KCNMB2: variants seen among roughly 807,000 people sequenced by gnomAD.
KCNMB2 encodes the protein potassium calcium-activated channel subfamily M regulatory beta subunit 2.
A neutral mutation model predicts 24.5 loss-of-function variants in KCNMB2; 9 were observed. That is an observed-to-expected ratio of 0.37 (90% CI 0.22 to 0.64). The LOEUF (loss-of-function observed/expected upper bound fraction) is 0.64, where lower values mean the gene tolerates loss of function less well. Ranked by LOEUF, KCNMB2 falls within the 30% of genes least tolerant of loss-of-function variation. The pLI is 0.63. For synonymous variants in KCNMB2, 109 were observed against 104.4 expected (o/e 1.04, Z -0.27); for missense variants, 226 against 284.3 (o/e 0.79, Z 1.47).
chr3:178,762,997 T>C (rs561163463), intron 1 of KCNMB2, among the ~76,000 whole-genome samples: 73 of 152,104 alleles, frequency 4.8e-4, no homozygotes, highest in African/African-American at 1.6e-3. Flanking sequence ...AATCCAGAGA[T>C]ATAAATTTGG....
At chr3:178,750,391 AC>A (rs1210741452) in intron 1 of KCNMB2, among the ~76,000 whole-genome samples, 2 of 152,162 alleles carry the variant, frequency 1.3e-5, no homozygotes, top group Non-Finnish European at 2.9e-5. Context: ...ACAAAAAAAA[AC>A]AAAAACAAAA....
intron 1 of KCNMB2, among the ~76,000 whole-genome samples, chr3:178,652,556 TTTAA>T (rs1327217407): frequency 2.0e-5 from 3 of 152,140 alleles, no homozygotes; most frequent in African/African-American, 7.2e-5. Flanking sequence ...AATGTTTAAA[TTTAA>T]TTAATTTAAT....
chr3:178,570,897 A>G (rs1339098621), intron 1 of KCNMB2, among the ~76,000 whole-genome samples: 1 of 152,210 alleles, frequency 6.6e-6, no homozygotes, highest in Non-Finnish European at 1.5e-5. Context: ...GTTTTGCCTC[A>G]TAGGATGCAA....
chr3:178,834,730 T>C (rs1385208813), intron 4 of KCNMB2, among the ~76,000 whole-genome samples: 3 of 152,110 alleles, frequency 2.0e-5, no homozygotes, highest in Admixed American at 1.3e-4. Context: ...AAATTTGAGA[T>C]ATTTCTTAGA....
intron 1 of KCNMB2, among the ~76,000 whole-genome samples, chr3:178,617,737 A>C (rs901271027): frequency 1.3e-5 from 2 of 151,206 alleles, no homozygotes; most frequent in Admixed American, 6.6e-5. Flanking sequence ...AAAACACAAA[A>C]AAAATTAGCT....
chr3:178,776,808 G>A (rs191811124), intron 1 of KCNMB2, among the ~76,000 whole-genome samples: 1 of 152,198 alleles, frequency 6.6e-6, no homozygotes, highest in East Asian at 1.9e-4. Context: ...AAACAGAATC[G>A]TACAGTGTTT....
chr3:178,822,090 AC>A (rs778522575), intron 2 of KCNMB2, among the ~76,000 whole-genome samples: 8 of 151,814 alleles, frequency 5.3e-5, no homozygotes, highest in Admixed American at 4.6e-4. Context: ...GACTTACAAA[AC>A]CCTTCATGGC....
At chr3:178,745,591 G>A (rs1723638800) in intron 1 of KCNMB2, among the ~76,000 whole-genome samples, 1 of 152,084 alleles carries the variant, frequency 6.6e-6, no homozygotes, top group South Asian at 2.1e-4. Context: ...ACTCATTTCA[G>A]TATTAACTAA....
intron 1 of KCNMB2, among the ~76,000 whole-genome samples, chr3:178,561,037 A>G (rs1207143934): frequency 6.6e-6 from 1 of 152,208 alleles, no homozygotes; most frequent in Admixed American, 6.5e-5. Flanking sequence ...CTCTGCATCC[A>G]AAAAAGTGCC....
At position 178,617,659 on chromosome 3, in the gene KCNMB2, G is replaced by A. The variant is rs542537513; in HGVS notation, c.-68+80948G>A. Among the ~76,000 whole-genome samples the A allele has an allele frequency of 5.8e-3, 889 of 152,146 alleles. 4 individuals are homozygous for A. The highest frequency in any genetic ancestry group is 0.02 in the African/African-American group (834 of 41,514). ...AATCCCAGCACTTTGGGAGGCCAAG[G>A]CAGGCGGATCACAAGGTCAGGAGAT... On this transcript the variant is annotated intron_variant, in intron 1 of 4. Transcript: ENST00000452583.
rs556151100 is a variant in KCNMB2 at position 178,625,106 on chromosome 3, C to T, written c.-68+88395C>T. The stretch of plus-strand genomic sequence containing the variant: ...CTGGTGAGGGGTTTCCTCCCTTGCA[C>T]CCTCTGCCTGGCCCTTCTTCCCCCC... On this transcript the variant is annotated intron_variant, in intron 1 of 4. Transcript: ENST00000452583. Among the ~76,000 whole-genome samples, 85 of 152,166 alleles carry T rather than the reference C, an allele frequency of 5.6e-4. 1 individual carries two copies. The highest frequency in any genetic ancestry group is 1.9e-3 in the African/African-American group (80 of 41,508).
At chr3:178,637,377 T>C (rs1447402607) in intron 1 of KCNMB2, among the ~76,000 whole-genome samples, 3 of 152,210 alleles carry the variant, frequency 2.0e-5, no homozygotes, top group Non-Finnish European at 2.9e-5. Context: ...CAAACTATCT[T>C]TGTTTCCTAT....
rs761424489 is a variant in KCNMB2, at chr3:178,813,987, TGC to T, written c.56+6523_56+6524del. Among the ~76,000 whole-genome samples, 753 of 112,298 alleles carry T rather than the reference TGC, an allele frequency of 6.7e-3. 3 individuals carry two copies. Among genetic ancestry groups the T allele is most frequent in the African/African-American group, 0.026 (684 of 26,214 alleles). 73.7% of individuals were successfully genotyped at this position (112,298 alleles called of 152,430 possible). A position where few individuals can be genotyped will look rare whatever the true frequency, so the allele number is the denominator to read the frequency against. ...TTGTTGTTGTTGTTGTTGTTGTTGC[TGC>T]TGCTGCTGTTGTTTTTCTAATCGTA... is the stretch of plus-strand genomic sequence containing the variant. On this transcript the variant is annotated intron_variant, in intron 2 of 4. Coordinates refer to ENST00000452583, the MANE Select transcript of KCNMB2 (RefSeq NM_181361.3).
chr3:178,629,434 G>C (rs1478989676), intron 1 of KCNMB2, among the ~76,000 whole-genome samples: 1 of 152,134 alleles, frequency 6.6e-6, no homozygotes, highest in Non-Finnish European at 1.5e-5. Context: ...CTGAGGCGCT[G>C]GGTAAAGTTC....
At chr3:178,642,377 G>A (rs921987508) in intron 1 of KCNMB2, among the ~76,000 whole-genome samples, 1 of 152,166 alleles carries the variant, frequency 6.6e-6, no homozygotes, top group African/African-American at 2.4e-5. Context: ...GGACAAATAA[G>A]ATGACACCTC....
intron 1 of KCNMB2, among the ~76,000 whole-genome samples, chr3:178,642,676 C>A (rs1449695374): frequency 6.6e-6 from 1 of 152,120 alleles, no homozygotes; most frequent in Non-Finnish European, 1.5e-5. Context: ...TGTTAAACTC[C>A]ATTGCTGGGG....
chr3:178,771,866 T>A lies in KCNMB2; in HGVS notation c.-67-35477T>A, dbSNP rs533296396. ...ATTTATCTCATGGACAGATTCCTTATCTCTTTATCTCATAGCTAAATTTCT... is the reference window on the plus strand; with the variant it reads ...ATTTATCTCATGGACAGATTCCTTAACTCTTTATCTCATAGCTAAATTTCT... On this transcript the variant is annotated intron_variant, in intron 1 of 4. Coordinates refer to ENST00000452583, the MANE Select transcript of KCNMB2 (RefSeq NM_181361.3). Among the ~76,000 whole-genome samples, 10 of 152,184 alleles carry A rather than the reference T, an allele frequency of 6.6e-5. No homozygotes were observed. The South Asian group carries it at 2.1e-3, about 32-fold the overall frequency.
intron 1 of KCNMB2, among the ~76,000 whole-genome samples, chr3:178,626,604 T>C (rs1170515795): frequency 6.6e-6 from 1 of 152,032 alleles, no homozygotes; most frequent in Non-Finnish European, 1.5e-5. Flanking sequence ...GGGTATGCAG[T>C]GAAGTGGGAA....
Position 178,843,119 on chromosome 3 carries a change from G to A in KCNMB2, c.*182G>A, listed in dbSNP as rs1228723350. The A allele has an allele frequency of 5.9e-6, 4 of 676,734 alleles. No individual in the cohort carries two copies. The highest frequency in any genetic ancestry group is 2.8e-5 in the East Asian group (1 of 35,476). 41.9% of individuals were successfully genotyped at this position (676,734 alleles called of 1,614,324 possible). A position where few individuals can be genotyped will look rare whatever the true frequency, so the allele number is the denominator to read the frequency against. ...AACATGATGTCTTTATTATTCAGGA[G>A]AATAAATAACTGTTTTGTGTTGGTT... is the stretch of plus-strand genomic sequence containing the variant. On this transcript the variant is annotated 3_prime_UTR_variant, in exon 5 of 5. Coordinates refer to ENST00000452583, the MANE Select transcript of KCNMB2 (RefSeq NM_181361.3).
Sources: gnomAD v4.1 joint callset for allele counts (sites outside exome capture counted in the v4.1 genomes callset) on GRCh38, gnomAD v4.1.1 for gene constraint, MANE v1.5 for transcripts, NCBI Gene and HGNC (gene_info 2026-07-23, HGNC 2026-07-21) for gene names.